The following WNK2 variants were observed in gnomAD, a reference collection of about 807,000 sequenced individuals.
WNK2 encodes WNK lysine deficient protein kinase 2.
A neutral mutation model predicts 192.1 loss-of-function variants in WNK2; 67 were observed. The ratio of observed to expected loss-of-function variants is 0.35; its 90% CI spans 0.29 to 0.43. The LOEUF (loss-of-function observed/expected upper bound fraction) is 0.43, where lower values mean the gene tolerates loss of function less well. Ranked by LOEUF, WNK2 falls within the 20% of genes least tolerant of loss-of-function variation. WNK2 has a pLI of 1.00. For synonymous variants in WNK2, 1,439 were observed against 1,393.9 expected (o/e 1.03, Z -0.72); for missense variants, 2,698 against 3,089.7 (o/e 0.87, Z 3.01).
chr9:93,201,632 C>CTCCCT (rs1013592512), intron 2 of WNK2, among the ~76,000 whole-genome samples: 1 of 152,208 alleles, frequency 6.6e-6, no homozygotes, highest in African/African-American at 2.4e-5. Context: ...GCAGGAGGCC[C>CTCCCT]TCCCTTCCCT....
At chr9:93,217,871 CT>C (rs67677322) in intron 2 of WNK2, among the ~76,000 whole-genome samples, 3,335 of 152,284 alleles carry the variant, frequency 0.022, 129 homozygotes, top group African/African-American at 0.076. Context: ...CCTAGGGCCT[CT>C]GGGGAGGAAA....
At position 93,257,128 on chromosome 9, in the gene WNK2, G is replaced by C; in HGVS notation, c.2371G>C (p.Val791Leu). Residue 791 changes from valine to leucine, a missense_variant, in exon 11 of 30, where the codon GTC (valine) becomes CTC (leucine). By Grantham distance (32) the Val-to-Leu change is conservative. Coordinates refer to ENST00000427277, the MANE Select transcript of WNK2 (RefSeq NM_006648.4). This position sits in a 1 kb window ranked among gnomAD's most constrained non-coding sequence, Gnocchi z 4.7. The part of the protein sequence containing the change: ...PQAPLQPLAQ[V>L]PPQMPPIPVV... Reference sequence around the variant, plus strand: ...GGCGCCCCTGCAGCCGCTTGCTCAAGTCCCTCCGCAGGTAATTCTAGGTTG... The same window carrying C: ...GGCGCCCCTGCAGCCGCTTGCTCAACTCCCTCCGCAGGTAATTCTAGGTTG... 6.2e-7 allele frequency: 1 copy of C among 1,608,374 alleles called. No homozygotes were observed. Among genetic ancestry groups the C allele is most frequent in the Non-Finnish European group, 8.5e-7 (1 of 1,178,940 alleles).
chr9:93,186,133 A>G (rs1274682123), intron 2 of WNK2, among the ~76,000 whole-genome samples: 2 of 152,040 alleles, frequency 1.3e-5, no homozygotes, highest in Non-Finnish European at 2.9e-5. Context: ...ACCTGCAGAG[A>G]CTTCTTCTGA....
rs144216671 is a variant in WNK2, at chr9:93,291,752, G to T, written c.4937-556G>T. Reference sequence around the variant, plus strand: ...CACGAGTTTCTTTTGTCACATGAGGGTCTCAGCTCAGGCGAGGCCCCCATG... The same window carrying T: ...CACGAGTTTCTTTTGTCACATGAGGTTCTCAGCTCAGGCGAGGCCCCCATG... On this transcript the variant is annotated intron_variant, in intron 21 of 29. Coordinates refer to ENST00000427277, the MANE Select transcript of WNK2 (RefSeq NM_006648.4). 1.0e-3 allele frequency among the ~76,000 whole-genome samples: 158 copies of T among 152,334 alleles called. 1 individual carries two copies. The highest frequency in any genetic ancestry group is 6.8e-3 in the Middle Eastern group (2 of 294).
At chr9:93,317,376 G>A in intron 28 of WNK2, 144 bp from the exon 29 acceptor site, 1 of 722,740 alleles carries the variant, frequency 1.4e-6, no homozygotes, top group Admixed American at 2.3e-5. Flanking sequence ...TCTGGTGTCA[G>A]CCCTGAGAGG....
At chr9:93,235,008 G>A in intron 5 of WNK2, 43 bp downstream of exon 5, 1 of 1,609,102 alleles carries the variant, frequency 6.2e-7, no homozygotes, top group Non-Finnish European at 8.5e-7. Flanking sequence ...AGGACACAGA[G>A]GCCTTGGGCC....
chr9:93,196,085 G>GT (rs1260389924), intron 2 of WNK2, among the ~76,000 whole-genome samples: 1 of 152,194 alleles, frequency 6.6e-6, no homozygotes, highest in African/African-American at 2.4e-5. Flanking sequence ...TGAAGCTCTT[G>GT]AAGGGTGCGA....
chr9:93,300,003 T>C, intron 25 of WNK2, 48 bp from the exon 26 acceptor site: 1 of 1,529,234 alleles, frequency 6.5e-7, no homozygotes, highest in African/African-American at 1.4e-5. Flanking sequence ...CAGCAACCTG[T>C]ACTTGATGAG....
intron 14 of WNK2, among the ~76,000 whole-genome samples, chr9:93,263,075 G>C (rs4743905): frequency 2.6e-5 from 4 of 152,024 alleles, no homozygotes; most frequent in Non-Finnish European, 4.4e-5. Context: ...ATCCAGCCCC[G>C]ATCCTGGGTT....
intron 27 of WNK2, 134 bp downstream of exon 27, chr9:93,306,955 C>A: frequency 9.1e-7 from 1 of 1,096,580 alleles, no homozygotes; most frequent in Non-Finnish European, 1.4e-6. Context: ...CTCCATGCCT[C>A]TCGGCCGGGC....
chr9:93,214,876 C>T (rs905679266), intron 2 of WNK2, among the ~76,000 whole-genome samples: 3 of 150,546 alleles, frequency 2.0e-5, no homozygotes, highest in Non-Finnish European at 4.4e-5. Context: ...AATGTGGTGG[C>T]ATTATTATTA....
At chr9:93,316,000 A>G (rs536607319) in intron 28 of WNK2, 3 of 152,270 alleles carry the variant, frequency 2.0e-5, no homozygotes, top group African/African-American at 7.2e-5. Context: ...ATGCAGAGGT[A>G]AATCTGTTTT....
intron 2 of WNK2, among the ~76,000 whole-genome samples, chr9:93,211,154 TCACAGATTCCCTCACTCATA>T (rs1834476939): frequency 6.6e-6 from 1 of 151,788 alleles, no homozygotes; most frequent in African/African-American, 2.4e-5. Flanking sequence ...ACTTATTCAC[TCACAGATTCCCTCACTCATA>T]CATCCACTCA....
intron 5 of WNK2, among the ~76,000 whole-genome samples, chr9:93,236,984 C>T (rs1016636343): frequency 6.6e-6 from 1 of 152,220 alleles, no homozygotes; most frequent in African/African-American, 2.4e-5. Context: ...GTGTTAACCC[C>T]AGTATCAAAT....
rs59582411 is a variant in WNK2, at chr9:93,199,899, C to CAAAAAAAAAAAAAAAAAAAAAAAA, written c.681+14301_681+14302insAAAAAAAAAAAAAAAAAAAAAAAA. 1.5e-4 allele frequency among the ~76,000 whole-genome samples: 16 copies of CAAAAAAAAAAAAAAAAAAAAAAAA among 107,752 alleles called. 1 individual carries two copies. Among genetic ancestry groups the CAAAAAAAAAAAAAAAAAAAAAAAA allele is most frequent in the African/African-American group, 4.2e-4 (13 of 30,936 alleles). 70.7% of individuals were successfully genotyped at this position (107,752 alleles called of 152,430 possible). ...GGCGACAGAGCAAGACTCTTTGTCTCAAAAAAAAAAAAGAAAACACAAAGC... is the reference window on the plus strand; with the variant it reads ...GGCGACAGAGCAAGACTCTTTGTCTCAAAAAAAAAAAAAAAAAAAAAAAAAAAAAAAAAAAAGAAAACACAAAGC... On this transcript the variant is annotated intron_variant, in intron 2 of 29. Coordinates refer to ENST00000427277, the MANE Select transcript of WNK2 (RefSeq NM_006648.4).
chr9:93,189,291 G>C (rs1332664515), intron 2 of WNK2, among the ~76,000 whole-genome samples: 1 of 152,180 alleles, frequency 6.6e-6, no homozygotes, highest in African/African-American at 2.4e-5. Flanking sequence ...TGGAACCTGA[G>C]TTTCCCAAGA....
At chr9:93,206,967 CTTT>C (rs1833507753) in intron 2 of WNK2, among the ~76,000 whole-genome samples, 1 of 152,156 alleles carries the variant, frequency 6.6e-6, no homozygotes, top group African/African-American at 2.4e-5. Flanking sequence ...GGCCCTGTCT[CTTT>C]ATCTGCTGAG....
chr9:93,239,343 G>T lies in WNK2; in HGVS notation c.1323-414G>T, dbSNP rs527997257. ...GCACTGGGCACAGGGAGCTCAGAGC[G>T]TGGGGGGCTCCGCCTCTGTGTCCAT... On this transcript the variant is annotated intron_variant, in intron 6 of 29. Coordinates refer to ENST00000427277, the MANE Select transcript of WNK2 (RefSeq NM_006648.4). This position sits in a 1 kb window ranked among gnomAD's most constrained non-coding sequence, Gnocchi z 4.2. Among the ~76,000 whole-genome samples the T allele has an allele frequency of 2.0e-5, 3 of 152,206 alleles. No individual in the cohort carries two copies. Among genetic ancestry groups the T allele is most frequent in the African/African-American group, 7.2e-5 (3 of 41,452 alleles).
At chr9:93,249,084 A>C (rs1009045241) in intron 8 of WNK2, among the ~76,000 whole-genome samples, 1 of 152,196 alleles carries the variant, frequency 6.6e-6, no homozygotes, top group Non-Finnish European at 1.5e-5. Flanking sequence ...GGAGAATAAA[A>C]TTGGTACATT....
Sources: gnomAD v4.1 joint callset for allele counts (sites outside exome capture counted in the v4.1 genomes callset) on GRCh38, gnomAD v4.1.1 for gene constraint, Gnocchi (gnomAD v3.1) non-coding constraint, MANE v1.5 for transcripts, NCBI Gene and HGNC (gene_info 2026-07-23, HGNC 2026-07-21) for gene names.